The following SLC18B1 variants were observed in gnomAD, a reference collection of about 807,000 sequenced individuals.
SLC18B1 encodes solute carrier family 18 member B1, also known as MFS-type transporter SLC18B1.
In SLC18B1, 62 loss-of-function variants were observed where a neutral mutation model predicts 53.9. That is an observed-to-expected ratio of 1.15 (90% CI 0.94 to 1.42). SLC18B1 has a LOEUF of 1.42. Ranked by LOEUF, SLC18B1 falls within the 40% of genes most tolerant of loss-of-function variation. SLC18B1 has a pLI of 0.00. For synonymous variants in SLC18B1, 217 were observed against 200.9 expected (o/e 1.08, Z -0.68); for missense variants, 598 against 547.3 (o/e 1.09, Z -0.93).
chr6:132,783,826 A>G (rs1453590147), intron 6 of SLC18B1, 107 bp downstream of exon 6: 7 of 895,590 alleles, frequency 7.8e-6, no homozygotes, highest in African/African-American at 7.1e-5. Context: ...AGTTATTTTT[A>G]AAAGCTATTT....
chr6:132,798,478 G>A lies in SLC18B1; in HGVS notation c.-22C>T, dbSNP rs766960407. On this transcript the variant is annotated 5_prime_UTR_variant, in exon 1 of 14. Coordinates refer to ENST00000275227, the MANE Select transcript of SLC18B1 (RefSeq NM_052831.3). Reference sequence around the variant, plus strand: ...CCATCCCCGGTGCGTGGACTCCGGCGCCCCAGCTCCCGGCTTCAAGCCACG... The same window carrying A: ...CCATCCCCGGTGCGTGGACTCCGGCACCCCAGCTCCCGGCTTCAAGCCACG... 1.7e-5 allele frequency: 26 copies of A among 1,489,980 alleles called. No homozygotes were observed. Among genetic ancestry groups the A allele is most frequent in the Non-Finnish European group, 2.3e-5 (26 of 1,114,840 alleles). The allele number at this position is 1,489,980 out of a possible 1,614,324, so 92.3% of individuals were successfully genotyped here. A position where few individuals can be genotyped will look rare whatever the true frequency, so the allele number is the denominator to read the frequency against.
At chr6:132,792,988 A>C (rs976370310) in intron 2 of SLC18B1, among the ~76,000 whole-genome samples, 1 of 152,080 alleles carries the variant, frequency 6.6e-6, no homozygotes, top group Non-Finnish European at 1.5e-5. Flanking sequence ...GGGTGTGGTG[A>C]TGCGCGCCTG....
rs1029431637 is a variant in SLC18B1 at position 132,770,346 on chromosome 6, G to A, written c.1305-10C>T. On this transcript the variant is annotated splice_polypyrimidine_tract_variant and intron_variant, in intron 13 of 13. Coordinates refer to ENST00000275227, the MANE Select transcript of SLC18B1 (RefSeq NM_052831.3). ...GTTTTGAGATTTAGACCTACATTGA[G>A]GGAAAGAAGAGATGAATCTCAATAT... 1 of 1,606,474 alleles carries A rather than the reference G, an allele frequency of 6.2e-7. No homozygotes were observed. The highest frequency in any genetic ancestry group is 1.3e-5 in the African/African-American group (1 of 74,740).
In SLC18B1 at chr6:132,774,216, A is replaced by C; in HGVS notation, c.989+6T>G. ...GGCCAAACATACAGAAGAAGAAAAA[A>C]ATTACCTTTTAATATGCAAGATTGG... On this transcript the variant is annotated splice_donor_region_variant and intron_variant, in intron 9 of 13. Coordinates refer to ENST00000275227, the MANE Select transcript of SLC18B1 (RefSeq NM_052831.3). The C allele has an allele frequency of 1.3e-6, 2 of 1,584,560 alleles. No individual in the cohort carries two copies. Among genetic ancestry groups the C allele is most frequent in the Non-Finnish European group, 1.7e-6 (2 of 1,167,290 alleles).
chr6:132,795,684 G>A (rs1781657562), intron 2 of SLC18B1, among the ~76,000 whole-genome samples: 1 of 152,196 alleles, frequency 6.6e-6, no homozygotes, highest in Non-Finnish European at 1.5e-5. Flanking sequence ...ACATGGATAT[G>A]TTGTCTACAC....
At chr6:132,786,772 A>C (rs1384119254) in intron 5 of SLC18B1, among the ~76,000 whole-genome samples, 2 of 152,120 alleles carry the variant, frequency 1.3e-5, no homozygotes, top group African/African-American at 2.4e-5. Context: ...AGAGAGAGAG[A>C]GAGCTACGAG....
intron 9 of SLC18B1, 52 bp downstream of exon 9, chr6:132,774,169 GA>G: frequency 7.0e-7 from 1 of 1,423,836 alleles, no homozygotes; most frequent in Non-Finnish European, 9.6e-7. Flanking sequence ...AAAATTTTTC[GA>G]AATAATTCCT....
chr6:132,772,295 A>G (rs1780996564), intron 10 of SLC18B1, 89 bp from the exon 11 acceptor site: 1 of 745,958 alleles, frequency 1.3e-6, no homozygotes, highest in East Asian at 3.0e-5. Context: ...AAGATAAACC[A>G]AGGATAATCT....
chr6:132,786,071 A>G (rs534519397), intron 5 of SLC18B1, among the ~76,000 whole-genome samples: 3 of 152,304 alleles, frequency 2.0e-5, no homozygotes, highest in African/African-American at 7.2e-5. Flanking sequence ...GACAGCAGAC[A>G]GCCCTCTCCA....
Position 132,770,268 on chromosome 6 carries a change from G to C in SLC18B1, c.*2C>G, listed in dbSNP as rs755836943. The C allele has an allele frequency of 1.2e-6, 2 of 1,610,848 alleles. No homozygotes were observed. Among genetic ancestry groups the C allele is most frequent in the Non-Finnish European group, 1.7e-6 (2 of 1,177,078 alleles). ...CCTTGTATCAATCCAGGATCCATCGGACTAGGTTTCATTAGGCAAGAGAGT... is the reference window on the plus strand; with the variant it reads ...CCTTGTATCAATCCAGGATCCATCGCACTAGGTTTCATTAGGCAAGAGAGT... On this transcript the variant is annotated 3_prime_UTR_variant, in exon 14 of 14. Transcript: ENST00000275227.
intron 13 of SLC18B1, 96 bp from the exon 14 acceptor site, chr6:132,770,432 T>A: frequency 2.6e-6 from 3 of 1,136,154 alleles, no homozygotes; most frequent in South Asian, 2.6e-5. Context: ...CATCCAACTA[T>A]CTTTTTAAAA....
chr6:132,782,906 C>T (rs915521398), intron 6 of SLC18B1, among the ~76,000 whole-genome samples: 1 of 151,738 alleles, frequency 6.6e-6, no homozygotes, highest in Non-Finnish European at 1.5e-5. Flanking sequence ...TCCTGAGTAG[C>T]TGGGAGTATA....
intron 2 of SLC18B1, among the ~76,000 whole-genome samples, chr6:132,793,797 T>G (rs1286617738): frequency 6.6e-6 from 1 of 152,240 alleles, no homozygotes; most frequent in Non-Finnish European, 1.5e-5. Flanking sequence ...TACCTGTACA[T>G]GAACTGTGAA....
At chr6:132,793,444 C>T (rs1430618199) in intron 2 of SLC18B1, among the ~76,000 whole-genome samples, 2 of 152,164 alleles carry the variant, frequency 1.3e-5, no homozygotes, top group East Asian at 1.9e-4. Context: ...CTCTGCGAGG[C>T]GAGACAAAAG....
At chr6:132,795,865 C>A (rs1236193659) in intron 2 of SLC18B1, among the ~76,000 whole-genome samples, 1 of 152,210 alleles carries the variant, frequency 6.6e-6, no homozygotes, top group Non-Finnish European at 1.5e-5. Context: ...TCCTCCCTTG[C>A]ATAAACATTG....
chr6:132,785,688 T>C (rs780397297), intron 5 of SLC18B1, among the ~76,000 whole-genome samples: 1 of 152,062 alleles, frequency 6.6e-6, no homozygotes. Context: ...ACCATTATCA[T>C]AGGAATTTAT....
intron 7 of SLC18B1, among the ~76,000 whole-genome samples, chr6:132,777,510 G>A (rs535289858): frequency 2.1e-4 from 32 of 152,288 alleles, no homozygotes; most frequent in African/African-American, 6.3e-4. Flanking sequence ...TCAGGAGATC[G>A]AGACCATCCT....
chr6:132,774,573 G>A (rs1026438720), intron 8 of SLC18B1, among the ~76,000 whole-genome samples: 8 of 152,056 alleles, frequency 5.3e-5, no homozygotes, highest in Non-Finnish European at 8.8e-5. Flanking sequence ...TTTTGCACAT[G>A]ATGAACTATT....
At chr6:132,772,805 T>C (rs1372632084) in intron 10 of SLC18B1, among the ~76,000 whole-genome samples, 188 bp downstream of exon 10, 1 of 152,214 alleles carries the variant, frequency 6.6e-6, no homozygotes, top group Non-Finnish European at 1.5e-5. Flanking sequence ...TAGCTATTAA[T>C]GTACTATTAT....
Sources: gnomAD v4.1 joint callset for allele counts (sites outside exome capture counted in the v4.1 genomes callset) on GRCh38, gnomAD v4.1.1 for gene constraint, MANE v1.5 for transcripts, NCBI Gene and HGNC (gene_info 2026-07-23, HGNC 2026-07-21) for gene names.